Variants in PRELID2 observed in about 807,000 individuals in gnomAD.
PRELID2 encodes PRELI domain containing 2, also known as PRELI domain-containing protein 2.
PRELID2 carries 25 observed loss-of-function variants against 28.4 expected under a neutral mutation model. The ratio of observed to expected loss-of-function variants is 0.88; its 90% CI spans 0.64 to 1.23. PRELID2 has a LOEUF of 1.23. PRELID2 is among the 50% of genes most tolerant of loss of function. PRELID2 has a pLI of 0.00. For missense variants in PRELID2, 201 were observed against 214.4 expected, an observed-to-expected ratio of 0.94 and a Z score of 0.39; for synonymous variants, 76 against 71.6, an observed-to-expected ratio of 1.06 and a Z score of -0.31.
At chr5:145,517,138 G>T (rs1004227423) in intron 1 of PRELID2, among the ~76,000 whole-genome samples, 4 of 152,072 alleles carry the variant, frequency 2.6e-5, no homozygotes, top group African/African-American at 9.7e-5. Context: ...TTGACAAATG[G>T]GATCTAATTA....
intron 1 of PRELID2, among the ~76,000 whole-genome samples, chr5:145,527,542 G>A: frequency 6.6e-6 from 1 of 152,162 alleles, no homozygotes; most frequent in East Asian, 1.9e-4. Context: ...GCAATTTCTT[G>A]AAGTTTTTAA....
At chr5:145,538,994 A>G (rs72811524) in intron 1 of PRELID2, among the ~76,000 whole-genome samples, 4,954 of 152,014 alleles carry the variant, frequency 0.033, 118 homozygotes, top group Non-Finnish European at 0.052. Context: ...CCAATCAGGT[A>G]AGAGAGCCAA....
intron 1 of PRELID2, among the ~76,000 whole-genome samples, chr5:145,726,205 G>A (rs780430330): frequency 1.1e-4 from 12 of 113,184 alleles, no homozygotes; most frequent in South Asian, 3.2e-4. Context: ...AAGAAAGAGC[G>A]AAAGAGAGAA....
At chr5:145,415,100 C>T in the PRELID2 span, among the ~76,000 whole-genome samples, 1 of 152,092 alleles carries the variant, frequency 6.6e-6, no homozygotes, top group African/African-American at 2.4e-5. Flanking sequence ...AAGTAAAACA[C>T]TCCTCAGCAA....
chr5:145,454,645 C>T, the PRELID2 span, among the ~76,000 whole-genome samples: 1 of 152,126 alleles, frequency 6.6e-6, no homozygotes, highest in Non-Finnish European at 1.5e-5. Flanking sequence ...AACAGACAAA[C>T]AGAGAGCCAA....
rs1757334773 is a variant in PRELID2 at position 145,758,676 on chromosome 5, T to G, written c.*1860A>C. ...CACAATAATTTGCATCACCTTTTAT[T>G]TTTTGAAATAGGCTATTACTCCAAA... On this transcript the variant is annotated 3_prime_UTR_variant, in exon 7 of 7. Coordinates refer to ENST00000683046, the MANE Select transcript of PRELID2 (RefSeq NM_205846.3). Among the ~76,000 whole-genome samples, 1 of 152,176 alleles carries G rather than the reference T, an allele frequency of 6.6e-6. No individual in the cohort carries two copies. The highest frequency in any genetic ancestry group is 1.5e-5 in the Non-Finnish European group (1 of 68,028).
At chr5:145,433,509 G>T in the PRELID2 span, among the ~76,000 whole-genome samples, 312 of 152,270 alleles carry the variant, frequency 2.0e-3, no homozygotes, top group Admixed American at 3.2e-3. Flanking sequence ...GCCAGCTGCT[G>T]CTCTTCACCT....
At chr5:145,290,633 G>A in the PRELID2 span, among the ~76,000 whole-genome samples, 3 of 151,588 alleles carry the variant, frequency 2.0e-5, no homozygotes, top group South Asian at 4.2e-4. Context: ...ATAGCATTAG[G>A]AGAAATACCT....
At chr5:145,663,633 ATAAGTCTT>A (rs1178302703) in intron 1 of PRELID2, among the ~76,000 whole-genome samples, 1 of 152,160 alleles carries the variant, frequency 6.6e-6, no homozygotes, top group Non-Finnish European at 1.5e-5. Flanking sequence ...GTCTCCATTA[ATAAGTCTT>A]TATTAATACG....
rs138830443 is a variant in PRELID2 at position 145,726,547 on chromosome 5, GGATA to G, written n.70+38380_70+38383del. Among the ~76,000 whole-genome samples the G allele has an allele frequency of 4.8e-3, 728 of 152,238 alleles. 3 individuals are homozygous for G. The highest frequency in any genetic ancestry group is 0.017 in the African/African-American group (692 of 41,538). ...ATAAGTAGATGATTAACAGATGGAT[GGATA>G]GATATGTAGACAGATAGGCGAATAT... On this transcript the variant is annotated intron_variant and non_coding_transcript_variant, in intron 1 of 2. Coordinates refer to the PRELID2 transcript ENST00000510259.
At chr5:145,695,055 G>A (rs904911754) in intron 1 of PRELID2, among the ~76,000 whole-genome samples, 2 of 152,168 alleles carry the variant, frequency 1.3e-5, no homozygotes, top group African/African-American at 4.8e-5. Flanking sequence ...AAAGTCATGG[G>A]TCATGCCTTA....
chr5:145,589,998 T>C (rs1368339710), intron 1 of PRELID2, among the ~76,000 whole-genome samples: 1 of 152,220 alleles, frequency 6.6e-6, no homozygotes, highest in Admixed American at 6.5e-5. Flanking sequence ...TATTCTTATA[T>C]GTACTACATA....
At chr5:145,655,637 C>A (rs1328199392) in intron 1 of PRELID2, among the ~76,000 whole-genome samples, 1 of 152,118 alleles carries the variant, frequency 6.6e-6, no homozygotes, top group Admixed American at 6.5e-5. Flanking sequence ...CTGACACAAA[C>A]AAGAAATGGG....
intron 1 of PRELID2, among the ~76,000 whole-genome samples, chr5:145,700,957 T>C (rs796653330): frequency 4.6e-5 from 7 of 151,866 alleles, no homozygotes; most frequent in African/African-American, 1.4e-4. Flanking sequence ...GTGTGACCAC[T>C]TGTGGAAATT....
intron 1 of PRELID2, among the ~76,000 whole-genome samples, chr5:145,516,150 G>A (rs1383790890): frequency 1.3e-5 from 2 of 152,122 alleles, no homozygotes; most frequent in African/African-American, 4.8e-5. Context: ...GGGCAATCAG[G>A]CAAGAGAAAG....
chr5:145,812,641 T>C (rs1401132761), intron 4 of PRELID2, among the ~76,000 whole-genome samples: 1 of 15,744 alleles, frequency 6.4e-5, no homozygotes, highest in Non-Finnish European at 1.1e-4. Flanking sequence ...TGGCTGGTAT[T>C]GTCTGAGTCA....
chr5:145,298,969 A>G, the PRELID2 span, among the ~76,000 whole-genome samples: 1 of 152,160 alleles, frequency 6.6e-6, no homozygotes, highest in East Asian at 1.9e-4. Flanking sequence ...CAAAAACAAC[A>G]TAAAAATATG....
chr5:145,648,265 A>G (rs1169949156), intron 1 of PRELID2, among the ~76,000 whole-genome samples: 1 of 152,204 alleles, frequency 6.6e-6, no homozygotes, highest in African/African-American at 2.4e-5. Flanking sequence ...ATCCCTAAAT[A>G]AAATGCTGGA....
intron 1 of PRELID2, among the ~76,000 whole-genome samples, chr5:145,569,866 C>G (rs1178628256): frequency 2.0e-5 from 3 of 152,146 alleles, no homozygotes; most frequent in Non-Finnish European, 4.4e-5. Context: ...TAAGTCTTTG[C>G]TCAGAAAGCT....
Sources: allele counts gnomAD v4.1 joint callset (sites outside exome capture counted in the v4.1 genomes callset), GRCh38; gene constraint gnomAD v4.1.1; transcripts MANE v1.5; gene names NCBI Gene and HGNC (gene_info 2026-07-23, HGNC 2026-07-21).